Variants in ATG14 observed in about 807,000 individuals in gnomAD.
ATG14 encodes the protein autophagy related 14.
ATG14 carries 35 observed loss-of-function variants against 60.4 expected under a neutral mutation model. That is an observed-to-expected ratio of 0.58 (90% CI 0.44 to 0.77). ATG14 has a LOEUF of 0.77. ATG14 is among the 30% of genes least tolerant of loss of function. The pLI is 0.00. For missense variants in ATG14, 647 were observed against 626.3 expected (o/e 1.03, Z -0.35); for synonymous variants, 234 against 228.8 (o/e 1.02, Z -0.21).
intron 3 of ATG14, 109 bp from the exon 4 acceptor site, chr14:55,391,101 GA>G: frequency 1.4e-6 from 1 of 693,704 alleles, no homozygotes; most frequent in Non-Finnish European, 2.4e-6. Flanking sequence ...ACATAATGAA[GA>G]AAAAGACCTT....
Position 55,368,864 on chromosome 14 carries a change from A to G in ATG14, c.*755T>C, listed in dbSNP as rs946173673. 6.6e-6 allele frequency: 1 copy of G among 152,388 alleles called. No homozygotes were observed. Among genetic ancestry groups the G allele is most frequent in the East Asian group, 1.9e-4 (1 of 5,204 alleles). The allele number at this position is 152,388 out of a possible 1,614,324, so 9.4% of individuals were successfully genotyped here. On this transcript the variant is annotated 3_prime_UTR_variant, in exon 10 of 10. Coordinates refer to ENST00000247178, the MANE Select transcript of ATG14 (RefSeq NM_014924.5). Reference sequence around the variant, plus strand: ...TCATAGTGTGGATGGCAGGAATTCAACTAGGTAAGAATAAGCTTAATTCCC... The same window carrying G: ...TCATAGTGTGGATGGCAGGAATTCAGCTAGGTAAGAATAAGCTTAATTCCC...
intron 1 of ATG14, among the ~76,000 whole-genome samples, chr14:55,403,116 C>G (rs1157046565): frequency 1.3e-5 from 2 of 150,222 alleles, no homozygotes; most frequent in African/African-American, 4.9e-5. Context: ...GAGAACCTGT[C>G]TCTCAAAACA....
intron 1 of ATG14, among the ~76,000 whole-genome samples, chr14:55,399,962 T>C (rs554891100): frequency 6.6e-6 from 1 of 152,262 alleles, no homozygotes; most frequent in East Asian, 1.9e-4. Flanking sequence ...GCAGCAGGAA[T>C]AACAAACAAA....
At chr14:55,391,201 T>C in intron 3 of ATG14, 3 of 429,746 alleles carry the variant, frequency 7.0e-6, no homozygotes, top group Non-Finnish European at 1.2e-5. Flanking sequence ...ATTAGGCCAG[T>C]GCGGTGGCTC....
rs773068959 is a variant in ATG14 at position 55,390,961 on chromosome 14, A to G, written c.359T>C (p.Ile120Thr). The change falls in exon 4 of 10, where the codon ATT (isoleucine) becomes ACT (threonine). Residue 120 changes from isoleucine (I) to threonine (T), a missense_variant. Transcript: ENST00000247178. ...RWKIMSCKMR[I>T]EQLKQTICKG... ...ACATATTGTTTGTTTTAACTGTTCA[A>G]TCCTCATCTTGCAGGACATTATTTT... The G allele has an allele frequency of 1.2e-6, 2 of 1,606,378 alleles. No homozygotes were observed. The highest frequency in any genetic ancestry group is 2.2e-5 in the East Asian group (1 of 44,748).
rs1313937996 is a variant in ATG14 at position 55,369,191 on chromosome 14, A to G, written c.*428T>C. 1 of 154,738 alleles carries G rather than the reference A, an allele frequency of 6.5e-6. No individual in the cohort carries two copies. Among genetic ancestry groups the G allele is most frequent in the African/African-American group, 2.4e-5 (1 of 41,540 alleles). The allele number at this position is 154,738 out of a possible 1,614,324, so 9.6% of individuals were successfully genotyped here. A position where few individuals can be genotyped will look rare whatever the true frequency, so the allele number is the denominator to read the frequency against. On this transcript the variant is annotated 3_prime_UTR_variant, in exon 10 of 10. Coordinates refer to ENST00000247178, the MANE Select transcript of ATG14 (RefSeq NM_014924.5). ...AGCTTTTATCTTTCATGTCCTAATA[A>G]TCAAGAATCACCTCTTGTGATTCAA... is the stretch of plus-strand genomic sequence containing the variant.
At chr14:55,380,874 T>TAC (rs1885020224) in intron 6 of ATG14, among the ~76,000 whole-genome samples, 184 bp from the exon 7 acceptor site, 1 of 99,936 alleles carries the variant, frequency 1.0e-5, no homozygotes, top group African/African-American at 5.9e-5. Flanking sequence ...TATATATATA[T>TAC]ATTTTTTTTT....
intron 3 of ATG14, among the ~76,000 whole-genome samples, chr14:55,392,664 AAAAG>A (rs1594781905): frequency 6.6e-6 from 1 of 152,110 alleles, no homozygotes; most frequent in East Asian, 1.9e-4. Context: ...AAAAAAAAAA[AAAAG>A]AAGGATCTAC....
At chr14:55,401,190 G>C (rs1885392430) in intron 1 of ATG14, among the ~76,000 whole-genome samples, 2 of 151,656 alleles carry the variant, frequency 1.3e-5, no homozygotes, top group Non-Finnish European at 2.9e-5. Context: ...GAGAAAGTTT[G>C]AACAACTTTT....
At chr14:55,411,431 C>T (rs1354617473) in intron 1 of ATG14, among the ~76,000 whole-genome samples, 171 bp downstream of exon 1, 1 of 152,218 alleles carries the variant, frequency 6.6e-6, no homozygotes, top group Non-Finnish European at 1.5e-5. Flanking sequence ...GGCCCCTACG[C>T]TGTCCTCTGG....
chr14:55,410,704 G>C (rs913216717), intron 1 of ATG14, among the ~76,000 whole-genome samples: 7 of 152,192 alleles, frequency 4.6e-5, no homozygotes, highest in Non-Finnish European at 8.8e-5. Context: ...TGTGTGACCT[G>C]GGGCAAAGCA....
intron 7 of ATG14, among the ~76,000 whole-genome samples, chr14:55,378,844 T>A (rs1884971357): frequency 6.6e-6 from 1 of 152,148 alleles, no homozygotes; most frequent in Non-Finnish European, 1.5e-5. Flanking sequence ...TAGCTGGGAC[T>A]ATAGGTGTGT....
At position 55,401,837 on chromosome 14, in the gene ATG14, G is replaced by A. The variant is rs142545816; in HGVS notation, c.222-4403C>T. Among the ~76,000 whole-genome samples the A allele has an allele frequency of 3.9e-5, 6 of 152,306 alleles. No individual in the cohort carries two copies. In the East Asian group the frequency reaches 9.6e-4, roughly 24 times the overall value. On this transcript the variant is annotated intron_variant, in intron 1 of 9. Transcript: ENST00000247178. ...GCGCTGCCTGTCCAAGCTGAGACCT[G>A]AGGGTGAGCCAGAGTTGATCCTGTT... is the stretch of plus-strand genomic sequence containing the variant.
chr14:55,378,332 C>T (rs999704174), intron 7 of ATG14, among the ~76,000 whole-genome samples: 2 of 152,194 alleles, frequency 1.3e-5, no homozygotes, highest in Non-Finnish European at 1.5e-5. Flanking sequence ...AATATCTGCA[C>T]ACTAATGAAA....
chr14:55,381,485 C>A (rs960139703), intron 6 of ATG14, among the ~76,000 whole-genome samples: 1 of 152,074 alleles, frequency 6.6e-6, no homozygotes, highest in Non-Finnish European at 1.5e-5. Context: ...GGTGAGACAT[C>A]TAAAAAATGT....
At chr14:55,374,059 T>G (rs1297735434) in intron 9 of ATG14, among the ~76,000 whole-genome samples, 1 of 152,216 alleles carries the variant, frequency 6.6e-6, no homozygotes, top group Non-Finnish European at 1.5e-5. Flanking sequence ...TACAGAAAAC[T>G]TCAGACCCGC....
chr14:55,379,377 A>C (rs1884985506), intron 7 of ATG14, among the ~76,000 whole-genome samples: 1 of 151,898 alleles, frequency 6.6e-6, no homozygotes, highest in South Asian at 2.1e-4. Context: ...CTCATACAAA[A>C]AAATACAAAA....
intron 1 of ATG14, among the ~76,000 whole-genome samples, chr14:55,399,348 G>A (rs921050826): frequency 9.2e-5 from 14 of 152,116 alleles, no homozygotes; most frequent in African/African-American, 2.4e-4. Context: ...ATGACTTACC[G>A]GATGGTGTAC....
At chr14:55,375,490 A>AATTTTTTTTTTTTTT (rs1555341540) in intron 9 of ATG14, among the ~76,000 whole-genome samples, 2 of 117,798 alleles carry the variant, frequency 1.7e-5, no homozygotes, top group African/African-American at 3.4e-5. Context: ...GCCGGGCTAA[A>AATTTTTTTTTTTTTT]TTTTTTTTTT....
Sources: gnomAD v4.1 joint callset for allele counts (sites outside exome capture counted in the v4.1 genomes callset) on GRCh38, gnomAD v4.1.1 for gene constraint, MANE v1.5 for transcripts, NCBI Gene and HGNC (gene_info 2026-07-23, HGNC 2026-07-21) for gene names.